The following JAK2 variants were observed in gnomAD, a reference collection of about 807,000 sequenced individuals.
JAK2 encodes tyrosine-protein kinase JAK2.
JAK2 carries 86 observed loss-of-function variants against 139.3 expected under a neutral mutation model. The observed-to-expected ratio is 0.62, with a 90% CI of 0.52 to 0.74. The LOEUF (loss-of-function observed/expected upper bound fraction) is 0.74. Among genes scored for constraint, JAK2 ranks in the 30% least tolerant of loss-of-function variants. The pLI, the probability that JAK2 is intolerant of heterozygous loss-of-function variation, is 0.00. For synonymous variants in JAK2, 490 were observed against 437.7 expected (o/e 1.12, Z -1.49); for missense variants, 1,421 against 1,360.3 (o/e 1.04, Z -0.70).
intron 2 of JAK2, among the ~76,000 whole-genome samples, chr9:4,988,799 A>G (rs1820099960): frequency 6.6e-6 from 1 of 152,206 alleles, no homozygotes; most frequent in African/African-American, 2.4e-5. Flanking sequence ...GCCCCAAGTG[A>G]AAGTTACCAT....
chr9:4,990,613 A>G (rs1820187208), intron 2 of JAK2, among the ~76,000 whole-genome samples: 1 of 152,178 alleles, frequency 6.6e-6, no homozygotes, highest in Non-Finnish European at 1.5e-5. Flanking sequence ...CAAAGAAAAA[A>G]ACAGTATGAG....
At chr9:5,082,676 C>T (rs551631646) in intron 19 of JAK2, among the ~76,000 whole-genome samples, 8 of 152,216 alleles carry the variant, frequency 5.3e-5, no homozygotes, top group East Asian at 1.9e-4. Context: ...GGACATTACC[C>T]GGCTTTCCAG....
At chr9:5,025,094 A>G (rs1015822840) in intron 3 of JAK2, among the ~76,000 whole-genome samples, 2 of 151,074 alleles carry the variant, frequency 1.3e-5, no homozygotes, top group Non-Finnish European at 2.9e-5. Flanking sequence ...ATCTTTGCCT[A>G]TTTTCTGTAG....
intron 2 of JAK2, among the ~76,000 whole-genome samples, chr9:5,021,453 A>C (rs908947788): frequency 1.3e-5 from 2 of 152,182 alleles, no homozygotes; most frequent in African/African-American, 4.8e-5. Context: ...GGAATTTTAT[A>C]ATCTTTGTCC....
intron 5 of JAK2, among the ~76,000 whole-genome samples, chr9:5,048,094 C>T (rs1297273770): frequency 6.6e-6 from 1 of 152,078 alleles, no homozygotes; most frequent in African/African-American, 2.4e-5. Context: ...ATCATGACTT[C>T]CATAGAATTT....
At chr9:5,006,470 G>A (rs1035105344) in intron 2 of JAK2, among the ~76,000 whole-genome samples, 1 of 152,062 alleles carries the variant, frequency 6.6e-6, no homozygotes, top group Non-Finnish European at 1.5e-5. Flanking sequence ...TTCTCATATT[G>A]CTATAAAGAG....
chr9:5,041,237 C>G, intron 4 of JAK2: 1 of 1,463,084 alleles, frequency 6.8e-7, no homozygotes, highest in Non-Finnish European at 9.4e-7. Context: ...GGGGACCAAG[C>G]GGCAGCACGC....
chr9:5,117,668 TAAA>T (rs1823300120), intron 22 of JAK2, among the ~76,000 whole-genome samples: 2 of 139,382 alleles, frequency 1.4e-5, no homozygotes, highest in Admixed American at 7.0e-5. Flanking sequence ...TTATCTTAAA[TAAA>T]TTAATAAATA....
intron 22 of JAK2, among the ~76,000 whole-genome samples, chr9:5,092,469 A>G (rs1283762095): frequency 6.6e-6 from 1 of 152,170 alleles, no homozygotes; most frequent in African/African-American, 2.4e-5. Context: ...CAACCTGGTC[A>G]CTTTGAGCCA....
chr9:5,044,377 G>C (rs759393680), intron 4 of JAK2, 26 bp from the exon 5 acceptor site: 1 of 1,427,018 alleles, frequency 7.0e-7, no homozygotes, highest in Non-Finnish European at 9.9e-7. Flanking sequence ...TTTGGAAGCT[G>C]ACCAAATGTT....
chr9:5,000,756 T>C (rs761450802), intron 2 of JAK2, among the ~76,000 whole-genome samples: 6 of 152,226 alleles, frequency 3.9e-5, no homozygotes, highest in Non-Finnish European at 7.4e-5. Flanking sequence ...GTATTGGAGA[T>C]ACCATCTTCT....
chr9:4,992,239 G>T (rs564848959), intron 2 of JAK2, among the ~76,000 whole-genome samples: 1 of 152,190 alleles, frequency 6.6e-6, no homozygotes, highest in African/African-American at 2.4e-5. Flanking sequence ...ATGTGGCCTG[G>T]ATTTCCTCAC....
At chr9:5,032,737 C>A (rs1429983192) in intron 4 of JAK2, among the ~76,000 whole-genome samples, 1 of 152,100 alleles carries the variant, frequency 6.6e-6, no homozygotes, top group Non-Finnish European at 1.5e-5. Flanking sequence ...ACACCAAAAC[C>A]CCATCTGTAT....
At chr9:5,013,237 T>C (rs186395451) in intron 2 of JAK2, among the ~76,000 whole-genome samples, 5 of 152,142 alleles carry the variant, frequency 3.3e-5, no homozygotes, top group South Asian at 4.1e-4. Flanking sequence ...AAAATAGGAG[T>C]GGTCTTTAGA....
chr9:5,032,693 T>G (rs1300714997), intron 4 of JAK2, among the ~76,000 whole-genome samples: 4 of 152,074 alleles, frequency 2.6e-5, no homozygotes. Flanking sequence ...GTCCTGACTG[T>G]CAGAAGGAAA....
chr9:5,022,168 G>C lies in JAK2; in HGVS notation c.181G>C (p.Glu61Gln). The C allele has an allele frequency of 6.2e-7, 1 of 1,614,164 alleles. No homozygotes were observed. The highest frequency in any genetic ancestry group is 8.5e-7 in the Non-Finnish European group (1 of 1,180,012). The part of the protein sequence containing the change: ...EADYLTFPSG[E>Q]YVAEEICIAA... The stretch of plus-strand genomic sequence containing the variant: ...AGATTATCTGACCTTTCCATCTGGG[G>C]AGTATGTTGCAGAAGAAATCTGTAT... The change falls in exon 3 of 25, where the codon GAG (glutamate) becomes CAG (glutamine). Residue 61 changes from glutamate (E) to glutamine (Q), a missense_variant. Transcript: ENST00000381652.
chr9:5,016,221 G>A (rs1822049546), intron 2 of JAK2, among the ~76,000 whole-genome samples: 1 of 152,230 alleles, frequency 6.6e-6, no homozygotes, highest in Non-Finnish European at 1.5e-5. Flanking sequence ...ACTTCAGGAT[G>A]AAGTGAAGTA....
chr9:5,101,518 G>C (rs970249358), intron 22 of JAK2, among the ~76,000 whole-genome samples: 6 of 152,274 alleles, frequency 3.9e-5, no homozygotes, highest in Non-Finnish European at 7.3e-5. Context: ...CAGCTCTGAA[G>C]AGAGCAGTGT....
In JAK2 at chr9:5,081,728, A is replaced by G; in HGVS notation, c.2438A>G (p.Tyr813Cys). 1 of 1,589,736 alleles carries G rather than the reference A, an allele frequency of 6.3e-7. No individual in the cohort carries two copies. Among genetic ancestry groups the G allele is most frequent in the Non-Finnish European group, 8.6e-7 (1 of 1,158,538 alleles). ...RDLNSLFTPD[Y>C]ELLTENDMLP... ...ATAATATTCTTTATTTCTCCAGATTATGAACTATTAACAGAAAATGACATG... is the reference window on the plus strand; with the variant it reads ...ATAATATTCTTTATTTCTCCAGATTGTGAACTATTAACAGAAAATGACATG... The change falls in exon 19 of 25, where the codon TAT becomes TGT. Residue 813 changes from tyrosine (Y) to cysteine (C), a missense_variant. Transcript: ENST00000381652.
Sources: gnomAD v4.1 joint callset for allele counts (sites outside exome capture counted in the v4.1 genomes callset) on GRCh38, gnomAD v4.1.1 for gene constraint, MANE v1.5 for transcripts, NCBI Gene and HGNC (gene_info 2026-07-23, HGNC 2026-07-21) for gene names.